MCTP1: variants seen among roughly 807,000 people sequenced by gnomAD.
MCTP1 encodes multiple C2 and transmembrane domain-containing protein 1.
In MCTP1, 69 loss-of-function variants were observed where a neutral mutation model predicts 120.6. The ratio of observed to expected loss-of-function variants is 0.57; its 90% CI spans 0.47 to 0.70. The LOEUF is 0.70. Among genes scored for constraint, MCTP1 ranks in the 30% least tolerant of loss-of-function variants. The pLI is 0.00. For missense variants in MCTP1, 1,203 were observed against 1,248.8 expected, an observed-to-expected ratio of 0.96 and a Z score of 0.55; for synonymous variants, 529 against 493.1, an observed-to-expected ratio of 1.07 and a Z score of -0.96.
At chr5:95,092,627 C>T (rs1755933767) in intron 1 of MCTP1, among the ~76,000 whole-genome samples, 1 of 151,604 alleles carries the variant, frequency 6.6e-6, no homozygotes, top group Non-Finnish European at 1.5e-5. Context: ...CAAAATATCA[C>T]ACTGTACTCC....
chr5:94,719,307 G>C (rs1760299394), intron 19 of MCTP1, among the ~76,000 whole-genome samples: 1 of 152,082 alleles, frequency 6.6e-6, no homozygotes, highest in Non-Finnish European at 1.5e-5. Flanking sequence ...TCCCATTACT[G>C]GGTATATACC....
At chr5:94,829,691 G>A (rs1387981077) in intron 17 of MCTP1, among the ~76,000 whole-genome samples, 1 of 152,134 alleles carries the variant, frequency 6.6e-6, no homozygotes, top group Admixed American at 6.5e-5. Flanking sequence ...AAGAAAGGGA[G>A]CATGTAAAAA....
intron 2 of MCTP1, among the ~76,000 whole-genome samples, chr5:94,959,824 C>G (rs919891766): frequency 6.6e-6 from 1 of 152,096 alleles, no homozygotes; most frequent in Non-Finnish European, 1.5e-5. Flanking sequence ...GAATCAATAT[C>G]GTGAAAATGG....
chr5:94,806,925 C>A (rs1782444222), intron 17 of MCTP1, among the ~76,000 whole-genome samples: 1 of 152,214 alleles, frequency 6.6e-6, no homozygotes, highest in South Asian at 2.1e-4. Flanking sequence ...TCCTACAAAA[C>A]AATTAATTAT....
intron 1 of MCTP1, among the ~76,000 whole-genome samples, chr5:95,031,171 C>A (rs1840212623): frequency 1.3e-5 from 2 of 151,462 alleles, no homozygotes; most frequent in African/African-American, 2.4e-5. Context: ...TAATGGCAGT[C>A]TGAGAGAAAA....
chr5:94,920,337 T>C (rs2153457373), intron 7 of MCTP1, among the ~76,000 whole-genome samples: 1 of 149,430 alleles, frequency 6.7e-6, no homozygotes, highest in East Asian at 2.0e-4. Context: ...ATAAATAACA[T>C]CATACTTAAA....
intron 5 of MCTP1, among the ~76,000 whole-genome samples, chr5:94,933,968 A>G (rs1040307431): frequency 2.6e-5 from 4 of 151,864 alleles, no homozygotes; most frequent in Non-Finnish European, 4.4e-5. Context: ...GGAAAGATTT[A>G]GCAGTTATGA....
At chr5:95,142,657 A>C (rs1391348331) in intron 1 of MCTP1, among the ~76,000 whole-genome samples, 3 of 152,198 alleles carry the variant, frequency 2.0e-5, no homozygotes, top group Non-Finnish European at 4.4e-5. Context: ...AATTTTTAAG[A>C]ACTTAATAAA....
chr5:94,958,205 G>A (rs1300044539), intron 2 of MCTP1, among the ~76,000 whole-genome samples: 2 of 152,146 alleles, frequency 1.3e-5, no homozygotes, highest in Non-Finnish European at 2.9e-5. Context: ...AAATAAATAA[G>A]TTCTTTGAAA....
chr5:95,260,408 G>A (rs952986457), intron 1 of MCTP1, among the ~76,000 whole-genome samples: 2 of 152,058 alleles, frequency 1.3e-5, no homozygotes, highest in East Asian at 3.9e-4. Context: ...AAGGGTTCTC[G>A]TGACTGGAAA....
chr5:95,025,107 C>G (rs1437291565), intron 1 of MCTP1, among the ~76,000 whole-genome samples: 1 of 152,034 alleles, frequency 6.6e-6, no homozygotes, highest in East Asian at 1.9e-4. Flanking sequence ...CCTGAATGAC[C>G]AAAGCCATCT....
rs1161800029 is a variant in MCTP1, at chr5:95,284,700, G to C, written c.-125C>G. On this transcript the variant is annotated 5_prime_UTR_variant, in exon 1 of 23. Transcript: ENST00000515393. The surrounding 1 kb of genome is among the most constrained non-coding windows in gnomAD (Gnocchi z 5.2). Reference sequence around the variant, plus strand: ...GCGGTGGCGGCGGCGGCGGCGGCGGGCGCAGCAGCAGAAACCGGGAGTGCC... The same window carrying C: ...GCGGTGGCGGCGGCGGCGGCGGCGGCCGCAGCAGCAGAAACCGGGAGTGCC... 3.7e-6 allele frequency: 3 copies of C among 809,850 alleles called. No homozygotes were observed. Among genetic ancestry groups the C allele is most frequent in the Non-Finnish European group, 1.8e-6 (1 of 562,350 alleles). The allele number at this position is 809,850 out of a possible 1,614,324, so 50.2% of individuals were successfully genotyped here.
chr5:95,093,019 A>C (rs549291674), intron 1 of MCTP1, among the ~76,000 whole-genome samples: 1 of 152,374 alleles, frequency 6.6e-6, no homozygotes, highest in Admixed American at 6.5e-5. Context: ...GTTTGGATTC[A>C]TAGAAAACCC....
intron 1 of MCTP1, among the ~76,000 whole-genome samples, chr5:95,077,434 C>T (rs754644750): frequency 6.6e-6 from 1 of 151,196 alleles, no homozygotes; most frequent in African/African-American, 2.4e-5. Flanking sequence ...ACACATTTAG[C>T]TTTTGAATCA....
chr5:94,993,101 T>C (rs530549142), intron 2 of MCTP1, among the ~76,000 whole-genome samples: 22 of 152,324 alleles, frequency 1.4e-4, no homozygotes, highest in African/African-American at 4.8e-4. Flanking sequence ...TATTTTCAGA[T>C]AACTTTTTTT....
chr5:94,756,417 A>G (rs1005257358), intron 19 of MCTP1, among the ~76,000 whole-genome samples: 4 of 152,204 alleles, frequency 2.6e-5, no homozygotes, highest in African/African-American at 9.7e-5. Context: ...GGTTATGGGA[A>G]TGAAAAGGAG....
rs139436375 is a variant in MCTP1, at chr5:94,966,834, C to A, written c.839-13473G>T. Among the ~76,000 whole-genome samples the A allele has an allele frequency of 1.7e-3, 252 of 151,762 alleles. 1 individual carries two copies. The highest frequency in any genetic ancestry group is 5.8e-3 in the African/African-American group (239 of 41,428). ...AACAAAACCAAGGATGTGGCAGGGC[C>A]CAAACTCAATCTCAAATCTGAGGGC... On this transcript the variant is annotated intron_variant, in intron 2 of 22. Transcript: ENST00000515393.
At chr5:94,823,955 G>A (rs1351688035) in intron 17 of MCTP1, among the ~76,000 whole-genome samples, 2 of 152,188 alleles carry the variant, frequency 1.3e-5, no homozygotes, top group East Asian at 1.9e-4. Context: ...CAGAGACAAC[G>A]AGGTCTTCTA....
intron 1 of MCTP1, among the ~76,000 whole-genome samples, chr5:95,184,758 A>G (rs1400279774): frequency 6.6e-6 from 1 of 152,160 alleles, no homozygotes. Context: ...AAAACCTAAG[A>G]TCAGTACTTG....
Sources: gnomAD v4.1 joint callset for allele counts (sites outside exome capture counted in the v4.1 genomes callset) on GRCh38, gnomAD v4.1.1 for gene constraint, Gnocchi (gnomAD v3.1) non-coding constraint, MANE v1.5 for transcripts, NCBI Gene and HGNC (gene_info 2026-07-23, HGNC 2026-07-21) for gene names.